The following CTNNA2 variants were observed in gnomAD, a reference collection of about 807,000 sequenced individuals.
The protein encoded by CTNNA2 is catenin alpha 2, also known as catenin alpha-2.
Under a neutral mutation model 101.0 loss-of-function variants are expected in CTNNA2, and 42 were observed. That is an observed-to-expected ratio of 0.42 (90% confidence interval 0.32 to 0.54). The LOEUF (loss-of-function observed/expected upper bound fraction) is 0.54. Ranked by LOEUF, CTNNA2 falls within the 20% of genes least tolerant of loss-of-function variation. The probability of loss-of-function intolerance (pLI) is 0.14; values close to 1 mark genes in which losing one functional copy is unlikely to be tolerated. For missense variants in CTNNA2, 871 were observed against 1,223.1 expected, an observed-to-expected ratio of 0.71 and a Z score of 4.29; for synonymous variants, 450 against 456.4, an observed-to-expected ratio of 0.99 and a Z score of 0.18.
intron 5 of CTNNA2, among the ~76,000 whole-genome samples, chr2:79,870,581 T>G (rs947420544): frequency 6.6e-6 from 1 of 152,164 alleles, no homozygotes; most frequent in African/African-American, 2.4e-5. Flanking sequence ...TATTAGTTTG[T>G]TCTCATGCTG....
chr2:79,808,038 A>G (rs1676715269), intron 3 of CTNNA2, among the ~76,000 whole-genome samples: 1 of 152,172 alleles, frequency 6.6e-6, no homozygotes, highest in African/African-American at 2.4e-5. Context: ...TTCCTTTACA[A>G]AAATTACTTT....
chr2:80,185,378 C>G (rs192027712), intron 7 of CTNNA2, among the ~76,000 whole-genome samples: 58 of 152,278 alleles, frequency 3.8e-4, no homozygotes, highest in African/African-American at 1.4e-3. Context: ...TCAGAAGTGA[C>G]ACCCCATCAC....
intron 2 of CTNNA2, among the ~76,000 whole-genome samples, chr2:79,743,500 C>T (rs770708798): frequency 2.6e-5 from 4 of 151,392 alleles, no homozygotes; most frequent in Non-Finnish European, 2.9e-5. Flanking sequence ...CATTTATTTC[C>T]CTCACATAAA....
intron 3 of CTNNA2, among the ~76,000 whole-genome samples, chr2:79,790,591 G>A (rs888595427): frequency 1.3e-5 from 2 of 152,184 alleles, no homozygotes; most frequent in Non-Finnish European, 2.9e-5. Context: ...ATACAATGGG[G>A]TTGTGACTTT....
intron 2 of CTNNA2, among the ~76,000 whole-genome samples, chr2:79,731,732 G>C (rs560663439): frequency 1.3e-5 from 2 of 152,140 alleles, no homozygotes; most frequent in Admixed American, 6.5e-5. Flanking sequence ...TATTGAGGGA[G>C]ATGATCAGAC....
At chr2:80,186,511 G>A (rs900907387) in intron 7 of CTNNA2, among the ~76,000 whole-genome samples, 4 of 152,174 alleles carry the variant, frequency 2.6e-5, no homozygotes, top group Non-Finnish European at 4.4e-5. Context: ...AGATTGTCAC[G>A]GCAGGTGGGG....
chr2:79,899,729 C>A (rs572379818), intron 6 of CTNNA2, among the ~76,000 whole-genome samples: 5 of 152,212 alleles, frequency 3.3e-5, no homozygotes, highest in African/African-American at 1.2e-4. Context: ...TAACTATATG[C>A]CTGCGAAGCA....
intron 2 of CTNNA2, among the ~76,000 whole-genome samples, chr2:79,671,251 G>C (rs756840004): frequency 2.4e-4 from 34 of 144,172 alleles, no homozygotes; most frequent in South Asian, 7.4e-4. Context: ...AGCCAAGGCT[G>C]GATCACACTG....
At chr2:79,637,646 C>G (rs558827179) in intron 1 of CTNNA2, among the ~76,000 whole-genome samples, 3 of 152,210 alleles carry the variant, frequency 2.0e-5, no homozygotes, top group Non-Finnish European at 4.4e-5. Flanking sequence ...GGCCCCTAAA[C>G]ACTCAGTTAT....
chr2:80,050,190 G>A (rs1696787653), intron 7 of CTNNA2, among the ~76,000 whole-genome samples: 1 of 152,112 alleles, frequency 6.6e-6, no homozygotes, highest in African/African-American at 2.4e-5. Flanking sequence ...ATGTGGGGAG[G>A]CCGAGTCACA....
At chr2:79,394,951 A>T (rs1678213646) in intron 4 of CTNNA2, among the ~76,000 whole-genome samples, 1 of 152,124 alleles carries the variant, frequency 6.6e-6, no homozygotes, top group Non-Finnish European at 1.5e-5. Context: ...CCATGTGTGA[A>T]GGCTCTTTGG....
At chr2:79,271,183 G>C (rs1675073291) in intron 2 of CTNNA2, among the ~76,000 whole-genome samples, 1 of 152,052 alleles carries the variant, frequency 6.6e-6, no homozygotes, top group Non-Finnish European at 1.5e-5. Flanking sequence ...CTTCTAGTAA[G>C]TAATAAATTG....
At chr2:80,333,902 C>T (rs956295353) in intron 7 of CTNNA2, among the ~76,000 whole-genome samples, 1 of 152,170 alleles carries the variant, frequency 6.6e-6, no homozygotes, top group East Asian at 1.9e-4. Flanking sequence ...GGATTATAGG[C>T]GCGAGCCACC....
chr2:79,826,193 T>C (rs1253146028), intron 3 of CTNNA2, among the ~76,000 whole-genome samples: 4 of 152,330 alleles, frequency 2.6e-5, no homozygotes, highest in South Asian at 2.1e-4. Context: ...AAAACAGTAA[T>C]TAGTTGAATC....
intron 1 of CTNNA2, among the ~76,000 whole-genome samples, chr2:79,617,474 A>G (rs1186549898): frequency 6.6e-6 from 1 of 151,486 alleles, no homozygotes; most frequent in Non-Finnish European, 1.5e-5. Context: ...TTTTCAGTTC[A>G]CTTTCTCTCT....
At chr2:79,218,420 C>T (rs1328495723) in intron 2 of CTNNA2, among the ~76,000 whole-genome samples, 1 of 151,130 alleles carries the variant, frequency 6.6e-6, no homozygotes, top group African/African-American at 2.4e-5. Context: ...TGGCCTCAAG[C>T]AGTCCTCCTG....
intron 2 of CTNNA2, among the ~76,000 whole-genome samples, chr2:79,693,533 C>A (rs1165515291): frequency 6.6e-6 from 1 of 151,742 alleles, no homozygotes; most frequent in Admixed American, 6.6e-5. Flanking sequence ...GGGAATAATT[C>A]AGAAGAGAGA....
intron 9 of CTNNA2, among the ~76,000 whole-genome samples, chr2:80,484,553 T>A (rs1686403117): frequency 6.6e-6 from 1 of 152,120 alleles, no homozygotes; most frequent in South Asian, 2.1e-4. Context: ...AGCACATGAA[T>A]GGGAGGGAGA....
intron 4 of CTNNA2, among the ~76,000 whole-genome samples, chr2:79,465,165 G>T (rs1204116342): frequency 2.0e-5 from 3 of 152,190 alleles, no homozygotes; most frequent in African/African-American, 7.2e-5. Flanking sequence ...TTTGTATAAA[G>T]TGTAAGGAAG....
Sources: gnomAD v4.1 joint callset for allele counts (sites outside exome capture counted in the v4.1 genomes callset) on GRCh38, gnomAD v4.1.1 for gene constraint, MANE v1.5 for transcripts, NCBI Gene and HGNC (gene_info 2026-07-23, HGNC 2026-07-21) for gene names.